The following DYNC2H1 variants were observed in gnomAD, a reference collection of about 807,000 sequenced individuals.
DYNC2H1 encodes the protein dynein cytoplasmic 2 heavy chain 1.
DYNC2H1 carries 410 observed loss-of-function variants against 570.0 expected under a neutral mutation model. The observed-to-expected ratio is 0.72, with a 90% CI of 0.66 to 0.78. The LOEUF (loss-of-function observed/expected upper bound fraction) is 0.78, where lower values mean the gene tolerates loss of function less well. DYNC2H1 is among the 30% of genes least tolerant of loss of function. The pLI is 0.00. For synonymous variants in DYNC2H1, 1,688 were observed against 1,677.6 expected (o/e 1.01, Z -0.15); for missense variants, 4,865 against 5,046.4 (o/e 0.96, Z 1.09).
At chr11:103,257,381 G>C (rs1008800546) in intron 68 of DYNC2H1, among the ~76,000 whole-genome samples, 13 of 152,128 alleles carry the variant, frequency 8.5e-5, no homozygotes, top group African/African-American at 3.1e-4. Context: ...AATAGACTAA[G>C]ACATATATTC....
chr11:103,409,906 C>T (rs995468116), intron 84 of DYNC2H1, among the ~76,000 whole-genome samples: 2 of 152,090 alleles, frequency 1.3e-5, no homozygotes, highest in African/African-American at 4.8e-5. Flanking sequence ...TCAGTTCTTT[C>T]ATCTTTCCCT....
chr11:103,436,265 A>G (rs769554998), intron 85 of DYNC2H1, among the ~76,000 whole-genome samples: 1 of 151,050 alleles, frequency 6.6e-6, no homozygotes, highest in Non-Finnish European at 1.5e-5. Flanking sequence ...TCGAGAATTT[A>G]GAGAAAAATT....
chr11:103,170,099 C>A lies in DYNC2H1; in HGVS notation c.4969-9C>A. The A allele has an allele frequency of 1.3e-6, 2 of 1,599,496 alleles. No individual in the cohort carries two copies. The highest frequency in any genetic ancestry group is 2.3e-5 in the South Asian group (2 of 87,654). On this transcript the variant is annotated splice_polypyrimidine_tract_variant and intron_variant, in intron 32 of 88. Transcript: ENST00000375735. This position sits in a 1 kb window ranked among gnomAD's most constrained non-coding sequence, Gnocchi z 4.8. Reference sequence around the variant, plus strand: ...ATGAATACTCTGACTTTGTGTTGTTCTTGTATAGGGTAATGCTTCCAAACT... The same window carrying A: ...ATGAATACTCTGACTTTGTGTTGTTATTGTATAGGGTAATGCTTCCAAACT...
At position 103,145,316 on chromosome 11, in the gene DYNC2H1, T is replaced by C. The variant is rs1451513497; in HGVS notation, c.2702+1921T>C. On this transcript the variant is annotated intron_variant, in intron 18 of 88. Coordinates refer to ENST00000375735, the MANE Select transcript of DYNC2H1 (RefSeq NM_001377.3). This position sits in a 1 kb window ranked among gnomAD's most constrained non-coding sequence, Gnocchi z 4.2. ...GACAAATGACTTGAGGGTTTGAGCG[T>C]GGGTGATTTGGATACTGGTAGGACC... 6.6e-6 allele frequency among the ~76,000 whole-genome samples: 1 copy of C among 152,212 alleles called. No homozygotes were observed. The highest frequency in any genetic ancestry group is 1.5e-5 in the Non-Finnish European group (1 of 68,030).
chr11:103,134,268 G>T, intron 14 of DYNC2H1, 53 bp from the exon 15 acceptor site: 1 of 1,542,682 alleles, frequency 6.5e-7, no homozygotes, highest in Non-Finnish European at 8.9e-7. Context: ...CCACTGAAAA[G>T]TTACTATTTT....
At position 103,163,029 on chromosome 11, in the gene DYNC2H1, C is replaced by T; in HGVS notation, c.4493C>T (p.Thr1498Ile). The change falls in exon 30 of 89, where the codon ACA (threonine) becomes ATA (isoleucine). Residue 1498 changes from threonine (T) to isoleucine (I), a missense_variant and splice_region_variant. Around this residue, in one of 5 missense-constraint regions of DYNC2H1, gnomAD observed 1,936 missense variants for 1,962.1 expected, o/e 0.99. Coordinates refer to ENST00000375735, the MANE Select transcript of DYNC2H1 (RefSeq NM_001377.3). The surrounding 1 kb of genome is among the most constrained non-coding windows in gnomAD (Gnocchi z 4.6). Reference sequence around the variant, plus strand: ...ATTATTTTCCAATTTCTTTTTCAGACATGGTTGAATGATTTGGCCTTAGAA... The same window carrying T: ...ATTATTTTCCAATTTCTTTTTCAGATATGGTTGAATGATTTGGCCTTAGAA... ...NKVPLSNNVE[T>I]WLNDLALEMK... 1 of 1,607,998 alleles carries T rather than the reference C, an allele frequency of 6.2e-7. No homozygotes were observed. Among genetic ancestry groups the T allele is most frequent in the Non-Finnish European group, 8.5e-7 (1 of 1,176,626 alleles).
intron 83 of DYNC2H1, among the ~76,000 whole-genome samples, chr11:103,384,374 G>A (rs762866533): frequency 3.3e-5 from 5 of 151,924 alleles, no homozygotes; most frequent in Middle Eastern, 3.4e-3. Context: ...TACTTTTAAC[G>A]TTAACTTTCT....
At chr11:103,304,483 T>C (rs2135399063) in intron 76 of DYNC2H1, 112 bp from the exon 77 acceptor site, 1 of 1,168,148 alleles carries the variant, frequency 8.6e-7, no homozygotes, top group East Asian at 2.8e-5. Context: ...AAATTTATTA[T>C]TAAAGCCAGT....
intron 70 of DYNC2H1, among the ~76,000 whole-genome samples, chr11:103,270,928 A>G (rs904869583): frequency 1.3e-5 from 2 of 152,216 alleles, no homozygotes; most frequent in African/African-American, 2.4e-5. Context: ...TGGAATTAAT[A>G]TCTTAGATTT....
chr11:103,117,326 C>T (rs776969952), intron 5 of DYNC2H1, among the ~76,000 whole-genome samples: 44 of 148,494 alleles, frequency 3.0e-4, no homozygotes, highest in Admixed American at 7.4e-4. Context: ...ATGTGCACAA[C>T]GTGCAGGTTT....
intron 76 of DYNC2H1, 37 bp from the exon 77 acceptor site, chr11:103,304,558 C>G (rs775433132): frequency 3.2e-5 from 51 of 1,583,500 alleles, no homozygotes; most frequent in Admixed American, 5.3e-5. Flanking sequence ...GTTAGCAGAT[C>G]TGTTTTTAAA....
In DYNC2H1 at chr11:103,315,858, A is replaced by G. The variant is rs1937798143; in HGVS notation, c.11650-687A>G. Among the ~76,000 whole-genome samples, 3 of 152,058 alleles carry G rather than the reference A, an allele frequency of 2.0e-5. 1 individual carries two copies. The highest frequency in any genetic ancestry group is 2.1e-4 in the South Asian group (1 of 4,834). ...ATTCCCAGAGCCTGACATATAATAC[A>G]TATTTTAAAAATATTTTTTGAGTGT... On this transcript the variant is annotated intron_variant, in intron 79 of 88. Coordinates refer to ENST00000375735, the MANE Select transcript of DYNC2H1 (RefSeq NM_001377.3).
At chr11:103,327,026 G>T (rs914177239) in intron 82 of DYNC2H1, among the ~76,000 whole-genome samples, 22 of 152,182 alleles carry the variant, frequency 1.4e-4, no homozygotes, top group Non-Finnish European at 2.4e-4. Context: ...CCAAGGTGAG[G>T]GTGAGATGTC....
In DYNC2H1 at chr11:103,176,305, C is replaced by T; in HGVS notation, c.5745C>T (p.Cys1915=). The part of the protein sequence containing the change: ...NTMSKFTFTD[C]TRFDALIKDV... Reference sequence around the variant, plus strand: ...TGTCAAAGTTTACGTTTACTGATTGCACCCGGTTTGATGCACTGATAAAAG... The same window carrying T: ...TGTCAAAGTTTACGTTTACTGATTGTACCCGGTTTGATGCACTGATAAAAG... The change falls in exon 37 of 89, where the codon TGC becomes TGT. Residue 1915 remains cysteine (C), a synonymous_variant. Transcript: ENST00000375735. 1 of 1,554,112 alleles carries T rather than the reference C, an allele frequency of 6.4e-7. No homozygotes were observed. The highest frequency in any genetic ancestry group is 8.7e-7 in the Non-Finnish European group (1 of 1,148,910).
intron 36 of DYNC2H1, 112 bp downstream of exon 36, chr11:103,174,282 A>C (rs1257593706): frequency 1.3e-6 from 1 of 755,120 alleles, no homozygotes; most frequent in Admixed American, 3.3e-5. Context: ...GGATTACTGT[A>C]TACCCTGCCC....
intron 75 of DYNC2H1, among the ~76,000 whole-genome samples, chr11:103,290,616 A>G (rs1034550096): frequency 2.0e-5 from 3 of 152,190 alleles, no homozygotes; most frequent in African/African-American, 7.2e-5. Context: ...ATCATGACTC[A>G]GACAATATCA....
At chr11:103,188,382 G>T in intron 43 of DYNC2H1, 115 bp from the exon 44 acceptor site, 1 of 710,226 alleles carries the variant, frequency 1.4e-6, no homozygotes, top group South Asian at 2.7e-5. Context: ...AAATTCTTGA[G>T]TTAGATAGAT....
At chr11:103,221,909 A>G (rs1343846383) in intron 57 of DYNC2H1, 121 bp from the exon 58 acceptor site, 1 of 968,352 alleles carries the variant, frequency 1.0e-6, no homozygotes, top group Non-Finnish European at 1.5e-6. Flanking sequence ...AGGTTTTAAT[A>G]CCATATTTTT....
chr11:103,449,638 G>A (rs886714891), intron 85 of DYNC2H1, among the ~76,000 whole-genome samples: 1 of 151,194 alleles, frequency 6.6e-6, no homozygotes, highest in African/African-American at 2.4e-5. Context: ...CTATACATGT[G>A]GTAATTATTA....
Sources: gnomAD v4.1 joint callset for allele counts (sites outside exome capture counted in the v4.1 genomes callset) on GRCh38, gnomAD v4.1.1 for gene constraint, gnomAD v4.1.1 regional missense constraint, Gnocchi (gnomAD v3.1) non-coding constraint, MANE v1.5 for transcripts, NCBI Gene and HGNC (gene_info 2026-07-23, HGNC 2026-07-21) for gene names.